DAB1: variants seen among roughly 807,000 people sequenced by gnomAD.
The protein encoded by DAB1 is disabled homolog 1.
In DAB1, 15 loss-of-function variants were observed where a neutral mutation model predicts 64.6. The ratio of observed to expected loss-of-function variants is 0.23; its 90% CI spans 0.16 to 0.36. The LOEUF is 0.36. Ranked by LOEUF, DAB1 falls within the 10% of genes least tolerant of loss-of-function variation. DAB1 has a pLI of 1.00. For missense variants in DAB1, 596 were observed against 706.7 expected (o/e 0.84, Z 1.78); for synonymous variants, 235 against 251.9 (o/e 0.93, Z 0.64).
At chr1:58,387,538 C>A (rs1011053875) in intron 3 of DAB1, among the ~76,000 whole-genome samples, 3 of 152,020 alleles carry the variant, frequency 2.0e-5, no homozygotes, top group Admixed American at 1.3e-4. Context: ...TTGCTGTGAA[C>A]GAAGATGTCT....
chr1:57,853,008 G>T (rs1454401737), intron 1 of DAB1, among the ~76,000 whole-genome samples: 1 of 152,050 alleles, frequency 6.6e-6, no homozygotes, highest in East Asian at 1.9e-4. Flanking sequence ...TGGAGGGCTG[G>T]GACCACAGTT....
At chr1:58,443,557 T>G (rs1402845710) in intron 3 of DAB1, among the ~76,000 whole-genome samples, 23 of 152,184 alleles carry the variant, frequency 1.5e-4, no homozygotes, top group Admixed American at 1.5e-3. Flanking sequence ...TTAATAGTAA[T>G]GTACCAATGT....
rs1303434759 is a variant in DAB1 at position 58,002,684 on chromosome 1, G to C, written n.388-118522C>G. Among the ~76,000 whole-genome samples, 3 of 152,132 alleles carry C rather than the reference G, an allele frequency of 2.0e-5. No homozygotes were observed. In the South Asian group the frequency reaches 6.2e-4, roughly 32 times the overall value. On this transcript the variant is annotated intron_variant and non_coding_transcript_variant, in intron 5 of 20. Transcript: ENST00000485760. ...CACAAGGTGTATATATATATATAGA[G>C]AGAGAGACAGAGAGAGAGAGAAGAA...
chr1:57,606,181 G>A (rs944476181), intron 7 of DAB1: 1 of 165,672 alleles, frequency 6.0e-6, no homozygotes, highest in Non-Finnish European at 1.3e-5. Flanking sequence ...CTCCATGAGT[G>A]TTTTTCCGGT....
intron 5 of DAB1, among the ~76,000 whole-genome samples, chr1:58,098,138 A>G (rs970945701): frequency 2.0e-5 from 3 of 152,212 alleles, no homozygotes; most frequent in Admixed American, 6.5e-5. Flanking sequence ...CAAAACTCAC[A>G]TAAGCATTAA....
intron 7 of DAB1, among the ~76,000 whole-genome samples, chr1:57,536,056 C>G (rs1644723813): frequency 6.6e-6 from 1 of 152,140 alleles, no homozygotes; most frequent in African/African-American, 2.4e-5. Context: ...GCCTTCCCGG[C>G]TAGATTTCTG....
At chr1:58,446,119 T>C (rs1021729137) in intron 3 of DAB1, among the ~76,000 whole-genome samples, 5 of 152,188 alleles carry the variant, frequency 3.3e-5, no homozygotes, top group African/African-American at 7.2e-5. Context: ...AATTTACATA[T>C]ATCTTACGCT....
chr1:56,999,065 T>C (rs1645744736), intron 14 of DAB1, among the ~76,000 whole-genome samples: 1 of 152,208 alleles, frequency 6.6e-6, no homozygotes, highest in African/African-American at 2.4e-5. Flanking sequence ...GAAATCCTAA[T>C]TTTACCATAT....
chr1:58,546,643 C>T (rs1399354161), intron 1 of DAB1: 1 of 152,630 alleles, frequency 6.6e-6, no homozygotes, highest in African/African-American at 2.4e-5. Context: ...ACTCTGCCTC[C>T]TCCCCTGGGC....
chr1:57,567,878 C>A (rs1645142826), intron 7 of DAB1, among the ~76,000 whole-genome samples: 1 of 152,110 alleles, frequency 6.6e-6, no homozygotes, highest in Admixed American at 6.5e-5. Context: ...TTAATGCCAT[C>A]CCCATCAAGC....
intron 7 of DAB1, among the ~76,000 whole-genome samples, chr1:57,601,326 C>A (rs188600650): frequency 1.3e-5 from 2 of 152,294 alleles, no homozygotes; most frequent in African/African-American, 4.8e-5. Flanking sequence ...GTAATCCCTG[C>A]ACTTTGGGAG....
intron 4 of DAB1, among the ~76,000 whole-genome samples, chr1:58,342,681 A>G (rs183404856): frequency 6.6e-6 from 1 of 152,154 alleles, no homozygotes; most frequent in African/African-American, 2.4e-5. Context: ...TGTACCCTAT[A>G]TCAAAGTTCA....
chr1:57,134,430 C>CA (rs1404447396), intron 4 of DAB1, among the ~76,000 whole-genome samples: 9 of 149,644 alleles, frequency 6.0e-5, no homozygotes, highest in Admixed American at 4.7e-4. Context: ...TATTAAAATA[C>CA]AAAAAAATTT....
intron 3 of DAB1, among the ~76,000 whole-genome samples, chr1:58,500,993 A>G (rs1645898096): frequency 6.6e-6 from 1 of 152,234 alleles, no homozygotes; most frequent in Non-Finnish European, 1.5e-5. Context: ...AAACTGTCAT[A>G]CTATTAAACA....
At position 57,244,541 on chromosome 1, in the gene DAB1, A is replaced by C. The variant is rs61765627; in HGVS notation, c.67+46423T>G. 7.5e-3 allele frequency among the ~76,000 whole-genome samples: 1,146 copies of C among 152,336 alleles called. 31 individuals carry two copies. In the East Asian group the frequency reaches 0.08, roughly 11 times the overall value. ...CTGATAATCTCCAGCTGAAGATTAG[A>C]GGTGGAAAACTCTGTCTTGAGACAT... On this transcript the variant is annotated intron_variant, in intron 2 of 14. Coordinates refer to ENST00000371236, the MANE Select transcript of DAB1 (RefSeq NM_001365792.1).
chr1:58,460,033 T>C (rs572952793), intron 3 of DAB1, among the ~76,000 whole-genome samples: 3 of 152,250 alleles, frequency 2.0e-5, no homozygotes, highest in African/African-American at 7.2e-5. Context: ...TAAGAGAGGA[T>C]TTATACTCCA....
intron 6 of DAB1, among the ~76,000 whole-genome samples, chr1:57,731,599 G>A (rs1395427838): frequency 1.3e-5 from 2 of 152,146 alleles, no homozygotes; most frequent in African/African-American, 2.4e-5. Context: ...GAGGTCAGGA[G>A]TTCGAGACCA....
At chr1:57,576,808 G>A (rs1047911282) in intron 7 of DAB1, among the ~76,000 whole-genome samples, 1 of 152,274 alleles carries the variant, frequency 6.6e-6, no homozygotes, top group Admixed American at 6.5e-5. Context: ...TCTGAGACGG[G>A]TGGAAGACTG....
chr1:57,074,768 C>T (rs1042861996), intron 4 of DAB1, among the ~76,000 whole-genome samples: 13 of 152,146 alleles, frequency 8.5e-5, no homozygotes, highest in South Asian at 4.2e-4. Context: ...GGCAATAAAA[C>T]GAATGTATAA....
Sources: allele counts gnomAD v4.1 joint callset (sites outside exome capture counted in the v4.1 genomes callset), GRCh38; gene constraint gnomAD v4.1.1; transcripts MANE v1.5; gene names NCBI Gene and HGNC (gene_info 2026-07-23, HGNC 2026-07-21).